Variants in THADA observed in about 807,000 individuals in gnomAD.
THADA encodes THADA armadillo repeat containing.
A neutral mutation model predicts 219.8 loss-of-function variants in THADA; 213 were observed. That is an observed-to-expected ratio of 0.97 (90% CI 0.87 to 1.09). THADA has a LOEUF of 1.09. Ranked by LOEUF, THADA falls within the 50% of genes least tolerant of loss-of-function variation. The pLI, the probability that THADA is intolerant of heterozygous loss-of-function variation, is 0.00. For missense variants in THADA, 2,956 were observed against 2,311.3 expected, an observed-to-expected ratio of 1.28 and a Z score of -5.72; for synonymous variants, 1,018 against 828.9, an observed-to-expected ratio of 1.23 and a Z score of -3.92.
At chr2:43,331,395 G>A (rs1393532757) in intron 30 of THADA, among the ~76,000 whole-genome samples, 1 of 152,232 alleles carries the variant, frequency 6.6e-6, no homozygotes, top group African/African-American at 2.4e-5. Flanking sequence ...AAACTCTGAT[G>A]ACCACTAAGC....
intron 30 of THADA, among the ~76,000 whole-genome samples, chr2:43,331,918 T>TACACAC (rs141276481): frequency 2.2e-4 from 32 of 142,740 alleles, no homozygotes; most frequent in East Asian, 2.0e-4. Context: ...ATATATCTAA[T>TACACAC]ACACACACAC....
intron 28 of THADA, among the ~76,000 whole-genome samples, chr2:43,419,735 G>C (rs1677455529): frequency 1.3e-5 from 2 of 152,052 alleles, no homozygotes; most frequent in African/African-American, 4.8e-5. Context: ...CAATTTTTGA[G>C]AAACAATTTA....
intron 29 of THADA, among the ~76,000 whole-genome samples, chr2:43,349,023 A>T (rs1270729190): frequency 6.6e-6 from 1 of 152,124 alleles, no homozygotes; most frequent in Admixed American, 6.5e-5. Context: ...GATGGTTATG[A>T]CCCAATCAGA....
chr2:43,241,527 T>A (rs934553199), intron 36 of THADA, among the ~76,000 whole-genome samples: 2 of 148,608 alleles, frequency 1.3e-5, no homozygotes, highest in African/African-American at 4.9e-5. Context: ...CACCCCTGTC[T>A]GGACTTACCA....
In THADA at chr2:43,438,706, C is replaced by T. The variant is rs144824363; in HGVS notation, c.3837-8404G>A. 4.1e-4 allele frequency among the ~76,000 whole-genome samples: 62 copies of T among 152,290 alleles called. 1 individual carries two copies. The South Asian group carries it at 0.012, about 30-fold the overall frequency. Reference sequence around the variant, plus strand: ...AAGAAGTGGAACATTACAGTAGTCCCCCCCTTATCTGAGGGGATACATTTC... The same window carrying T: ...AAGAAGTGGAACATTACAGTAGTCCTCCCCTTATCTGAGGGGATACATTTC... On this transcript the variant is annotated intron_variant, in intron 26 of 37. Transcript: ENST00000405975.
chr2:43,362,525 G>C (rs904307523), intron 29 of THADA, among the ~76,000 whole-genome samples: 2 of 152,094 alleles, frequency 1.3e-5, no homozygotes, highest in Admixed American at 1.3e-4. Flanking sequence ...ATTTTAAACG[G>C]TGCACCTGTA....
chr2:43,486,843 A>G (rs1328663554), intron 25 of THADA, among the ~76,000 whole-genome samples: 1 of 152,156 alleles, frequency 6.6e-6, no homozygotes, highest in African/African-American at 2.4e-5. Context: ...AAATTAAAGG[A>G]AAAAAAGAAC....
At chr2:43,497,582 C>G (rs534829706) in intron 25 of THADA, among the ~76,000 whole-genome samples, 46 of 152,206 alleles carry the variant, frequency 3.0e-4, no homozygotes, top group African/African-American at 1.1e-3. Flanking sequence ...CTAATGCATG[C>G]CGGGCTTAAA....
intron 22 of THADA, among the ~76,000 whole-genome samples, chr2:43,514,877 A>ATATGTATAATATATATTT (rs1475321141): frequency 1.2e-5 from 1 of 83,134 alleles, no homozygotes; most frequent in Non-Finnish European, 2.0e-5. Context: ...TTTATGTATA[A>ATATGTATAATATATATTT]TATGTATAAT....
intron 26 of THADA, among the ~76,000 whole-genome samples, chr2:43,439,548 G>C (rs925453327): frequency 6.6e-6 from 1 of 151,394 alleles, no homozygotes; most frequent in Non-Finnish European, 1.5e-5. Flanking sequence ...CACAGGGCTT[G>C]TGTTCAAGGA....
At chr2:43,395,804 G>A (rs1178449096) in intron 29 of THADA, among the ~76,000 whole-genome samples, 1 of 152,112 alleles carries the variant, frequency 6.6e-6, no homozygotes, top group South Asian at 2.1e-4. Flanking sequence ...CAGGCTGGAG[G>A]GCAGTGGCAT....
intron 31 of THADA, among the ~76,000 whole-genome samples, chr2:43,306,784 G>A (rs1676915111): frequency 6.6e-6 from 1 of 152,190 alleles, no homozygotes; most frequent in Non-Finnish European, 1.5e-5. Flanking sequence ...ATTCTGCCAG[G>A]TAATCAATGG....
At chr2:43,521,032 T>TGAAGGGAAG (rs568404434) in intron 22 of THADA, among the ~76,000 whole-genome samples, 1 of 58,094 alleles carries the variant, frequency 1.7e-5, no homozygotes, top group Non-Finnish European at 3.4e-5. Flanking sequence ...AGGGAAGGAA[T>TGAAGGGAAG]GAAGGGAAGG....
intron 36 of THADA, among the ~76,000 whole-genome samples, chr2:43,245,166 C>CT (rs1446726648): frequency 1.1e-4 from 11 of 97,046 alleles, no homozygotes; most frequent in African/African-American, 6.9e-4. Context: ...TTCTTTCTTT[C>CT]TTCTTCTTTT....
At chr2:43,558,760 A>G (rs1342831189) in intron 16 of THADA, among the ~76,000 whole-genome samples, 2 of 152,160 alleles carry the variant, frequency 1.3e-5, no homozygotes, top group African/African-American at 2.4e-5. Context: ...TTATATATAC[A>G]TCTATCCTAT....
chr2:43,466,571 T>G (rs1684264985), intron 26 of THADA, among the ~76,000 whole-genome samples: 1 of 152,148 alleles, frequency 6.6e-6, no homozygotes, highest in South Asian at 2.1e-4. Context: ...TTGACTTATT[T>G]ACCTCCTAAT....
At chr2:43,553,030 G>C (rs1696934315) in intron 17 of THADA, among the ~76,000 whole-genome samples, 1 of 152,176 alleles carries the variant, frequency 6.6e-6, no homozygotes, top group South Asian at 2.1e-4. Context: ...TTAGCATAAT[G>C]TTTGCAAAGT....
At chr2:43,343,080 T>C (rs185536275) in intron 30 of THADA, 2 of 152,288 alleles carry the variant, frequency 1.3e-5, no homozygotes, top group East Asian at 3.9e-4. Flanking sequence ...CAGTCTGGAG[T>C]GCAGTGGTGC....
At chr2:43,400,288 C>A (rs1674640134) in intron 28 of THADA, among the ~76,000 whole-genome samples, 1 of 151,928 alleles carries the variant, frequency 6.6e-6, no homozygotes, top group South Asian at 2.1e-4. Flanking sequence ...CAAATGCACA[C>A]AACCAGGTTA....
Sources: gnomAD v4.1 joint callset for allele counts (sites outside exome capture counted in the v4.1 genomes callset) on GRCh38, gnomAD v4.1.1 for gene constraint, MANE v1.5 for transcripts, NCBI Gene and HGNC (gene_info 2026-07-23, HGNC 2026-07-21) for gene names.